The following SGMS1 variants were observed in gnomAD, a reference collection of about 807,000 sequenced individuals.
SGMS1 encodes phosphatidylcholine:ceramide cholinephosphotransferase 1.
Under a neutral mutation model 46.2 loss-of-function variants are expected in SGMS1, and 13 were observed. The observed-to-expected ratio is 0.28, with a 90% CI of 0.18 to 0.45. The LOEUF (loss-of-function observed/expected upper bound fraction) is 0.45. SGMS1 is among the 20% of genes least tolerant of loss of function. SGMS1 has a pLI of 1.00. For missense variants in SGMS1, 324 were observed against 519.9 expected (o/e 0.62, Z 3.66); for synonymous variants, 203 against 187.8 (o/e 1.08, Z -0.66).
chr10:50,357,041 T>C (rs1303804767), intron 6 of SGMS1, among the ~76,000 whole-genome samples: 1 of 151,784 alleles, frequency 6.6e-6, no homozygotes, highest in Non-Finnish European at 1.5e-5. Context: ...AACCTGCACA[T>C]TGTATACCTG....
At chr10:50,589,147 G>C (rs1020115885) in intron 2 of SGMS1, among the ~76,000 whole-genome samples, 1 of 152,120 alleles carries the variant, frequency 6.6e-6, no homozygotes, top group African/African-American at 2.4e-5. Flanking sequence ...AGAAAGCACA[G>C]TAATTTCTCT....
intron 2 of SGMS1, among the ~76,000 whole-genome samples, chr10:50,568,409 G>T (rs574138677): frequency 1.3e-5 from 2 of 152,162 alleles, no homozygotes; most frequent in Non-Finnish European, 2.9e-5. Flanking sequence ...AGCCACCAGC[G>T]TCCCTTGCTG....
chr10:50,581,567 T>G (rs944372223), intron 2 of SGMS1, among the ~76,000 whole-genome samples: 2 of 152,166 alleles, frequency 1.3e-5, no homozygotes, highest in Non-Finnish European at 2.9e-5. Context: ...ACTATTAATA[T>G]TCAATCCCTG....
At chr10:50,340,380 G>A (rs1847797435) in intron 7 of SGMS1, 1 of 152,140 alleles carries the variant, frequency 6.6e-6, no homozygotes, top group South Asian at 2.1e-4. Flanking sequence ...CTTAAAACAA[G>A]GGATACCTGT....
chr10:50,419,164 T>C (rs570606278), intron 6 of SGMS1, among the ~76,000 whole-genome samples: 2 of 152,186 alleles, frequency 1.3e-5, no homozygotes, highest in South Asian at 4.2e-4. Context: ...GGAACATACA[T>C]ACCATCTGAA....
intron 1 of SGMS1, among the ~76,000 whole-genome samples, chr10:50,599,994 C>T (rs1203581468): frequency 6.6e-6 from 1 of 152,210 alleles, no homozygotes; most frequent in Non-Finnish European, 1.5e-5. Context: ...ACAAATCCTT[C>T]ATCTCTATCC....
In SGMS1 at chr10:50,343,840, G is replaced by A. The variant is rs1429624584; in HGVS notation, c.275C>T (p.Pro92Leu). ...GATGCTGAAGCTGCCGTCGGGGGTG[G>A]GGATGTCTACGCCAATGTTGAGGTG... ...NGHLNIGVDIPTPDGSFSIKI... is the reference protein window; with the variant it reads ...NGHLNIGVDILTPDGSFSIKI... Residue 92 changes from proline (P) to leucine (L), a missense_variant, in exon 7 of 11, where the codon CCC becomes CTC. Coordinates refer to ENST00000361781, the MANE Select transcript of SGMS1 (RefSeq NM_147156.4). The A allele has an allele frequency of 6.2e-7, 1 of 1,614,036 alleles. No individual in the cohort carries two copies. Among genetic ancestry groups the A allele is most frequent in the Non-Finnish European group, 8.5e-7 (1 of 1,180,036 alleles).
chr10:50,353,996 G>A (rs879165530), intron 6 of SGMS1, among the ~76,000 whole-genome samples: 10 of 152,204 alleles, frequency 6.6e-5, no homozygotes, highest in East Asian at 5.8e-4. Flanking sequence ...AATCAACATC[G>A]TGAAAATGGC....
At chr10:50,488,680 G>A (rs2133734882) in intron 3 of SGMS1, among the ~76,000 whole-genome samples, 1 of 152,232 alleles carries the variant, frequency 6.6e-6, no homozygotes, top group Non-Finnish European at 1.5e-5. Flanking sequence ...ACTATGCTTG[G>A]GTAATTTCAA....
intron 1 of SGMS1, among the ~76,000 whole-genome samples, chr10:50,608,982 T>G (rs1207020936): frequency 6.6e-6 from 1 of 152,146 alleles, no homozygotes; most frequent in East Asian, 1.9e-4. Context: ...TATGCTATAA[T>G]TTTTTGTTTT....
intron 1 of SGMS1, among the ~76,000 whole-genome samples, chr10:50,609,521 G>GTTTTTTT (rs370846975): frequency 6.8e-5 from 8 of 117,006 alleles, no homozygotes; most frequent in East Asian, 2.8e-4. Flanking sequence ...CTTCTCAATA[G>GTTTTTTT]TTTTTTTTTT....
At chr10:50,608,348 G>C (rs1341011855) in intron 1 of SGMS1, among the ~76,000 whole-genome samples, 2 of 152,174 alleles carry the variant, frequency 1.3e-5, no homozygotes, top group Non-Finnish European at 2.9e-5. Flanking sequence ...AGAGGGGAAA[G>C]AGAAGGAAAA....
chr10:50,408,818 T>A (rs1849059078), intron 6 of SGMS1, among the ~76,000 whole-genome samples: 1 of 152,122 alleles, frequency 6.6e-6, no homozygotes, highest in African/African-American at 2.4e-5. Flanking sequence ...CATGCTGCAG[T>A]AAGCCATGAT....
At chr10:50,397,895 AGAATCTGCCT>A (rs1430763597) in intron 6 of SGMS1, among the ~76,000 whole-genome samples, 1 of 152,132 alleles carries the variant, frequency 6.6e-6, no homozygotes, top group Non-Finnish European at 1.5e-5. Context: ...TGATGGTGAC[AGAATCTGCCT>A]GAAATAGGTA....
chr10:50,313,210 T>C (rs563652050), intron 8 of SGMS1, among the ~76,000 whole-genome samples: 1 of 152,182 alleles, frequency 6.6e-6, no homozygotes, highest in Admixed American at 6.5e-5. Context: ...TGAACGTGTG[T>C]AGTGGAGATG....
intron 2 of SGMS1, among the ~76,000 whole-genome samples, chr10:50,539,287 C>T (rs987007327): frequency 2.6e-5 from 4 of 152,244 alleles, no homozygotes; most frequent in African/African-American, 9.6e-5. Flanking sequence ...GTGTTTTAGC[C>T]ATCTAGGAAC....
At chr10:50,558,048 C>T (rs1838203288) in intron 2 of SGMS1, among the ~76,000 whole-genome samples, 2 of 152,138 alleles carry the variant, frequency 1.3e-5, no homozygotes, top group South Asian at 4.1e-4. Flanking sequence ...TTATAATTAC[C>T]TTCTCTCACC....
At chr10:50,594,856 C>T (rs975183458) in intron 1 of SGMS1, among the ~76,000 whole-genome samples, 3 of 152,210 alleles carry the variant, frequency 2.0e-5, no homozygotes, top group African/African-American at 7.2e-5. Flanking sequence ...TTCATTTCAA[C>T]TCAACCTCCT....
chr10:50,321,346 T>C (rs1164519311), intron 8 of SGMS1, among the ~76,000 whole-genome samples: 1 of 152,232 alleles, frequency 6.6e-6, no homozygotes, highest in Non-Finnish European at 1.5e-5. Context: ...CCTCTTTTTG[T>C]AGTCTTTCAA....
Sources: gnomAD v4.1 joint callset for allele counts (sites outside exome capture counted in the v4.1 genomes callset) on GRCh38, gnomAD v4.1.1 for gene constraint, MANE v1.5 for transcripts, NCBI Gene and HGNC (gene_info 2026-07-23, HGNC 2026-07-21) for gene names.